DOCK1: variants seen among roughly 807,000 people sequenced by gnomAD.
DOCK1 encodes the protein dedicator of cytokinesis 1, also known as dedicator of cytokinesis protein 1.
Under a neutral mutation model 262.7 loss-of-function variants are expected in DOCK1, and 138 were observed. The observed-to-expected ratio is 0.53, with a 90% CI of 0.46 to 0.61. DOCK1 has a LOEUF of 0.61. Ranked by LOEUF, DOCK1 falls within the 20% of genes least tolerant of loss-of-function variation. The pLI is 0.00. For missense variants in DOCK1, 1,908 were observed against 2,370.7 expected (o/e 0.80, Z 4.05); for synonymous variants, 866 against 867.4 (o/e 1.00, Z 0.03).
chr10:127,078,758 G>A (rs2046721777), intron 23 of DOCK1, among the ~76,000 whole-genome samples: 1 of 152,136 alleles, frequency 6.6e-6, no homozygotes, highest in Admixed American at 6.5e-5. Flanking sequence ...GCCATAAAAA[G>A]GAATGAATTA....
intron 29 of DOCK1, among the ~76,000 whole-genome samples, chr10:127,293,768 G>A (rs1000351380): frequency 6.6e-6 from 1 of 152,192 alleles, no homozygotes; most frequent in Non-Finnish European, 1.5e-5. Flanking sequence ...ACGTGTTGGT[G>A]GCACCCACTG....
At chr10:127,076,296 TC>T (rs2046538736) in intron 23 of DOCK1, among the ~76,000 whole-genome samples, 1 of 152,150 alleles carries the variant, frequency 6.6e-6, no homozygotes, top group Admixed American at 6.5e-5. Flanking sequence ...GGTCAGTAGA[TC>T]AAGACCATCC....
chr10:127,038,716 A>C (rs1157763293), intron 19 of DOCK1, among the ~76,000 whole-genome samples: 6 of 147,220 alleles, frequency 4.1e-5, no homozygotes, highest in African/African-American at 1.5e-4. Flanking sequence ...TTTATCTGTG[A>C]GAGAGGGCAG....
chr10:127,115,100 G>A (rs1212998536), intron 25 of DOCK1, among the ~76,000 whole-genome samples: 1 of 152,042 alleles, frequency 6.6e-6, no homozygotes, highest in Non-Finnish European at 1.5e-5. Context: ...GATATTTTGA[G>A]GCAAATCTCT....
chr10:127,044,142 G>A (rs1393676555), intron 21 of DOCK1, among the ~76,000 whole-genome samples: 1 of 152,102 alleles, frequency 6.6e-6, no homozygotes, highest in Non-Finnish European at 1.5e-5. Context: ...TCTTTTTAGT[G>A]TGAGTAAATT....
chr10:127,438,611 AG>A (rs1319394381), intron 48 of DOCK1, among the ~76,000 whole-genome samples: 1 of 152,252 alleles, frequency 6.6e-6, no homozygotes, highest in Non-Finnish European at 1.5e-5. Context: ...AGCCTTGGTC[AG>A]GATCAAGGTA....
At chr10:127,403,703 G>T (rs2067353804) in intron 39 of DOCK1, among the ~76,000 whole-genome samples, 1 of 152,164 alleles carries the variant, frequency 6.6e-6, no homozygotes, top group Non-Finnish European at 1.5e-5. Flanking sequence ...AAGTTGCAGT[G>T]AGCTGAGATC....
intron 13 of DOCK1, among the ~76,000 whole-genome samples, chr10:127,021,261 T>C (rs2042401883): frequency 1.3e-5 from 2 of 152,014 alleles, no homozygotes; most frequent in African/African-American, 4.8e-5. Flanking sequence ...TGCCTCCCAG[T>C]TTCAAGCAGT....
intron 21 of DOCK1, among the ~76,000 whole-genome samples, chr10:127,050,739 C>A (rs916912607): frequency 6.6e-6 from 1 of 151,458 alleles, no homozygotes; most frequent in African/African-American, 2.4e-5. Flanking sequence ...CCCATTTATC[C>A]AACAGCAGTG....
At chr10:127,162,871 G>A (rs1222623740) in intron 27 of DOCK1, among the ~76,000 whole-genome samples, 1 of 152,118 alleles carries the variant, frequency 6.6e-6, no homozygotes, top group Non-Finnish European at 1.5e-5. Flanking sequence ...CACAGGTCTC[G>A]CCCCCAGACA....
chr10:126,941,393 A>G (rs1158731483), intron 1 of DOCK1, among the ~76,000 whole-genome samples: 2 of 109,004 alleles, frequency 1.8e-5, no homozygotes, highest in African/African-American at 5.2e-5. Context: ...TGCTAGTTTT[A>G]ACTTTAGTCT....
intron 29 of DOCK1, among the ~76,000 whole-genome samples, chr10:127,303,757 G>T (rs2061775569): frequency 6.6e-6 from 1 of 151,124 alleles, no homozygotes; most frequent in African/African-American, 2.4e-5. Flanking sequence ...TACTTGGAAG[G>T]CTGAGGTGGG....
At chr10:127,221,601 C>T (rs2058438141) in intron 27 of DOCK1, among the ~76,000 whole-genome samples, 1 of 152,088 alleles carries the variant, frequency 6.6e-6, no homozygotes, top group Admixed American at 6.5e-5. Flanking sequence ...ATCAATTGCT[C>T]CAGGGCTCAT....
chr10:126,908,167 C>T (rs1276031409), intron 1 of DOCK1, among the ~76,000 whole-genome samples: 1 of 152,198 alleles, frequency 6.6e-6, no homozygotes, highest in Non-Finnish European at 1.5e-5. Context: ...GCAATGGGGC[C>T]ATCCCAGGCT....
At position 127,403,047 on chromosome 10, in the gene DOCK1, A is replaced by C. The variant is rs1237936878; in HGVS notation, c.3928-8A>C. The C allele has an allele frequency of 2.5e-6, 4 of 1,605,706 alleles. No homozygotes were observed. Among genetic ancestry groups the C allele is most frequent in the Admixed American group, 1.7e-5 (1 of 58,862 alleles). ...GCTTCTCTTTCTTTTCTTTATTTTA[A>C]CTCACAGATGTGGGAGGAGGCCATT... On this transcript the variant is annotated splice_region_variant and splice_polypyrimidine_tract_variant and intron_variant, in intron 38 of 51. Coordinates refer to ENST00000623213, the MANE Select transcript of DOCK1 (RefSeq NM_001290223.2).
At chr10:126,918,157 G>A (rs1448925723) in intron 1 of DOCK1, among the ~76,000 whole-genome samples, 1 of 151,694 alleles carries the variant, frequency 6.6e-6, no homozygotes, top group Non-Finnish European at 1.5e-5. Context: ...GTGGGGCTCC[G>A]CTGATGCTCA....
chr10:127,103,819 A>G (rs1483707926), intron 23 of DOCK1, among the ~76,000 whole-genome samples: 1 of 152,218 alleles, frequency 6.6e-6, no homozygotes, highest in Non-Finnish European at 1.5e-5. Context: ...GGCCAGGAGT[A>G]CAATGGCTGG....
rs916408766 is a variant in DOCK1, at chr10:127,284,679, G to A, written c.3044+27250G>A. Among the ~76,000 whole-genome samples the A allele has an allele frequency of 2.6e-5, 4 of 152,274 alleles. No homozygotes were observed. The South Asian group carries it at 6.2e-4, about 24-fold the overall frequency. On this transcript the variant is annotated intron_variant, in intron 29 of 51. Transcript: ENST00000623213. ...GAGTGGGAAGATCACTTGAGGGCAG[G>A]ATTTCGAAGTTATGGTGAGGTATTA...
chr10:126,953,444 GGTGGAGGTGGTGATGGCA>G (rs1272170946), intron 1 of DOCK1, among the ~76,000 whole-genome samples: 4 of 151,762 alleles, frequency 2.6e-5, no homozygotes, highest in African/African-American at 9.7e-5. Flanking sequence ...TGGTGATGGC[GGTGGAGGTGGTGATGGCA>G]GTGGAGGTGG....
Sources: gnomAD v4.1 joint callset for allele counts (sites outside exome capture counted in the v4.1 genomes callset) on GRCh38, gnomAD v4.1.1 for gene constraint, MANE v1.5 for transcripts, NCBI Gene and HGNC (gene_info 2026-07-23, HGNC 2026-07-21) for gene names.